Variants in GMPR observed in about 807,000 individuals in gnomAD.
The protein encoded by GMPR is GMP reductase 1.
In GMPR, 31 loss-of-function variants were observed where a neutral mutation model predicts 38.4. The observed-to-expected ratio is 0.81, with a 90% CI of 0.61 to 1.09. The LOEUF (loss-of-function observed/expected upper bound fraction) is 1.09, where lower values mean the gene tolerates loss of function less well. GMPR is among the 50% of genes least tolerant of loss of function. GMPR has a pLI of 0.00. For missense variants in GMPR, 468 were observed against 453.7 expected, an observed-to-expected ratio of 1.03 and a Z score of -0.29; for synonymous variants, 162 against 173.3, an observed-to-expected ratio of 0.93 and a Z score of 0.51.
chr6:16,295,326 C>T lies in GMPR; in HGVS notation c.*140C>T, dbSNP rs56410915. ...GTGTCCTCTCTTCTGTCTCCTGCTGCCTGGAGGCTTCGGGGCTCTCCCGCC... is the reference window on the plus strand; with the variant it reads ...GTGTCCTCTCTTCTGTCTCCTGCTGTCTGGAGGCTTCGGGGCTCTCCCGCC... On this transcript the variant is annotated 3_prime_UTR_variant, in exon 9 of 9. Transcript: ENST00000259727. 1,939 of 623,688 alleles carry T rather than the reference C, an allele frequency of 3.1e-3. 28 individuals are homozygous for T. The African/African-American group carries it at 0.034, about 11-fold the overall frequency. 38.6% of individuals were successfully genotyped at this position (623,688 alleles called of 1,614,324 possible).
intron 2 of GMPR, among the ~76,000 whole-genome samples, chr6:16,248,533 G>T (rs1254239906): frequency 1.3e-5 from 2 of 152,052 alleles, no homozygotes; most frequent in Non-Finnish European, 2.9e-5. Context: ...TCTGACCACA[G>T]GAGACACTGA....
chr6:16,247,377 C>CTT (rs539745655), intron 2 of GMPR, among the ~76,000 whole-genome samples: 5 of 141,814 alleles, frequency 3.5e-5, no homozygotes, highest in African/African-American at 1.0e-4. Flanking sequence ...TAATGTATTT[C>CTT]TTTTTTTTTT....
At chr6:16,275,477 TACCCAAG>T (rs1759456330) in intron 5 of GMPR, among the ~76,000 whole-genome samples, 1 of 152,158 alleles carries the variant, frequency 6.6e-6, no homozygotes, top group Admixed American at 6.5e-5. Flanking sequence ...TTCGTAAAAA[TACCCAAG>T]CTTTTAACAT....
chr6:16,252,929 T>G (rs940488786), intron 3 of GMPR, among the ~76,000 whole-genome samples: 2 of 152,208 alleles, frequency 1.3e-5, no homozygotes, highest in African/African-American at 4.8e-5. Flanking sequence ...TTGTTATCAT[T>G]TGGGGGAATA....
At chr6:16,267,588 G>A (rs572810343) in intron 4 of GMPR, among the ~76,000 whole-genome samples, 4 of 152,156 alleles carry the variant, frequency 2.6e-5, no homozygotes, top group South Asian at 2.1e-4. Flanking sequence ...AACATCTGAC[G>A]GAACAAACTC....
rs761936231 is a variant in GMPR, at chr6:16,290,616, G to A, written c.852G>A (p.Glu284=). The A allele has an allele frequency of 4.3e-6, 7 of 1,613,822 alleles. No individual in the cohort carries two copies. Among genetic ancestry groups the A allele is most frequent in the Non-Finnish European group, 5.9e-6 (7 of 1,179,868 alleles). Residue 284 remains glutamate (E), a synonymous_variant, in exon 8 of 9, where the codon GAG becomes GAA. Coordinates refer to ENST00000259727, the MANE Select transcript of GMPR (RefSeq NM_006877.4). ...AMNKHAGGVA[E]YRASEGKTVE... is the part of the protein sequence containing the mutation. ...ACAAGCACGCAGGAGGAGTTGCTGA[G>A]TACAGGTGAGGAGGTGACCCCGGGG... is the stretch of plus-strand genomic sequence containing the variant.
At chr6:16,289,262 G>A (rs920905358) in intron 7 of GMPR, among the ~76,000 whole-genome samples, 1 of 152,202 alleles carries the variant, frequency 6.6e-6, no homozygotes, top group African/African-American at 2.4e-5. Context: ...CACAGTGAGA[G>A]TCTATGGCTT....
In GMPR at chr6:16,250,317, TC is replaced by T. The variant is rs1404094242; in HGVS notation, c.244del (p.Leu82TrpfsTer18). ...GTTTACAGCAATTCATAAGCATTAC[TC>T]CCTGGATGACTGGAAGCTCTTTGCC... ...SMFTAIHKHY[S>X]LDDWKLFATN... On this transcript the variant is annotated frameshift_variant, in exon 3 of 9. Transcript: ENST00000259727. LOFTEE classifies it high-confidence loss of function. 1.2e-6 allele frequency: 2 copies of T among 1,610,464 alleles called. No homozygotes were observed. Among genetic ancestry groups the T allele is most frequent in the East Asian group, 4.5e-5 (2 of 44,848 alleles).
intron 4 of GMPR, among the ~76,000 whole-genome samples, chr6:16,267,991 C>T (rs1421058434): frequency 2.0e-5 from 3 of 152,188 alleles, no homozygotes; most frequent in African/African-American, 7.2e-5. Context: ...TTCCGCTGTA[C>T]GCCTCTTCAC....
At chr6:16,276,697 C>T (rs1759478658) in intron 5 of GMPR, among the ~76,000 whole-genome samples, 1 of 152,082 alleles carries the variant, frequency 6.6e-6, no homozygotes, top group East Asian at 1.9e-4. Flanking sequence ...TGTTTGGAGA[C>T]CATATTTAAG....
chr6:16,284,724 A>C (rs1235791975), intron 6 of GMPR, among the ~76,000 whole-genome samples: 1 of 152,154 alleles, frequency 6.6e-6, no homozygotes, highest in Non-Finnish European at 1.5e-5. Flanking sequence ...TGTTTGTAAG[A>C]AAATGCAGCT....
At chr6:16,249,538 G>A (rs899306806) in intron 2 of GMPR, among the ~76,000 whole-genome samples, 9 of 152,210 alleles carry the variant, frequency 5.9e-5, no homozygotes, top group Admixed American at 5.9e-4. Flanking sequence ...TGCTAGGCTG[G>A]TCTCAAACTC....
At chr6:16,250,661 C>CT (rs1196992444) in intron 3 of GMPR, among the ~76,000 whole-genome samples, 1 of 152,144 alleles carries the variant, frequency 6.6e-6, no homozygotes, top group East Asian at 1.9e-4. Context: ...TAGATCCAGT[C>CT]TTTTGGCTGT....
intron 2 of GMPR, 41 bp from the exon 3 acceptor site, chr6:16,250,243 C>T: frequency 9.3e-7 from 1 of 1,077,326 alleles, no homozygotes; most frequent in Non-Finnish European, 1.5e-6. Flanking sequence ...GGGGGGCTCT[C>T]ACTTGGCTTC....
At chr6:16,266,544 T>A (rs1427198893) in intron 4 of GMPR, among the ~76,000 whole-genome samples, 1 of 150,682 alleles carries the variant, frequency 6.6e-6, no homozygotes, top group Non-Finnish European at 1.5e-5. Context: ...GGCTCACGCC[T>A]GTAATCCTGG....
At position 16,254,598 on chromosome 6, in the gene GMPR, C is replaced by A; in HGVS notation, c.328C>A (p.Leu110Met). 18 of 1,614,080 alleles carry A rather than the reference C, an allele frequency of 1.1e-5. No individual in the cohort carries two copies. Among genetic ancestry groups the A allele is most frequent in the Non-Finnish European group, 1.5e-5 (18 of 1,179,942 alleles). Residue 110 changes from leucine to methionine, a missense_variant, in exon 4 of 9, where the codon CTG (leucine) becomes ATG (methionine). Coordinates refer to ENST00000259727, the MANE Select transcript of GMPR (RefSeq NM_006877.4). ...AVSSGSGQND[L>M]EKMTSILEAV... ...GAGTTCAGGCAGTGGGCAGAATGAT[C>A]TGGAAAAGATGACCAGCATCCTGGA...
chr6:16,288,910 G>A (rs1191543341), intron 7 of GMPR, among the ~76,000 whole-genome samples: 2 of 152,224 alleles, frequency 1.3e-5, no homozygotes, highest in Non-Finnish European at 2.9e-5. Flanking sequence ...GAACCTTTGT[G>A]TCTAGCTCAG....
intron 6 of GMPR, among the ~76,000 whole-genome samples, chr6:16,284,942 C>T (rs554079816): frequency 2.7e-5 from 4 of 149,152 alleles, no homozygotes; most frequent in South Asian, 4.3e-4. Flanking sequence ...TTGCTTGAAC[C>T]CAGGAGGCAG....
Position 16,295,265 on chromosome 6 carries a change from T to G in GMPR, c.*79T>G. Reference sequence around the variant, plus strand: ...CCCATCTCCCCCCAAGTCTGTTCCGTCAGAGCTTCTGGCTGCTCCTGAATG... The same window carrying G: ...CCCATCTCCCCCCAAGTCTGTTCCGGCAGAGCTTCTGGCTGCTCCTGAATG... On this transcript the variant is annotated 3_prime_UTR_variant, in exon 9 of 9. Transcript: ENST00000259727. The G allele has an allele frequency of 9.2e-7, 1 of 1,087,898 alleles. No individual in the cohort carries two copies. Among genetic ancestry groups the G allele is most frequent in the Non-Finnish European group, 1.3e-6 (1 of 790,662 alleles). The allele number at this position is 1,087,898 out of a possible 1,614,324, so 67.4% of individuals were successfully genotyped here.
Sources: allele counts gnomAD v4.1 joint callset (sites outside exome capture counted in the v4.1 genomes callset), GRCh38; gene constraint gnomAD v4.1.1; transcripts MANE v1.5; gene names NCBI Gene and HGNC (gene_info 2026-07-23, HGNC 2026-07-21).